LARP4B: variants seen among roughly 807,000 people sequenced by gnomAD.
The protein encoded by LARP4B is la-related protein 4B.
In LARP4B, 12 loss-of-function variants were observed where a neutral mutation model predicts 89.8. The ratio of observed to expected loss-of-function variants is 0.13; its 90% CI spans 0.09 to 0.22. The LOEUF (loss-of-function observed/expected upper bound fraction) is 0.22, where lower values mean the gene tolerates loss of function less well. Among genes scored for constraint, LARP4B ranks in the 10% least tolerant of loss-of-function variants. LARP4B has a pLI of 1.00. For missense variants in LARP4B, 757 were observed against 947.7 expected (o/e 0.80, Z 2.64); for synonymous variants, 367 against 363.3 (o/e 1.01, Z -0.12).
At position 858,540 on chromosome 10, in the gene LARP4B, A is replaced by C. The variant is rs904694036; in HGVS notation, c.430+5203T>G. Among the ~76,000 whole-genome samples the C allele has an allele frequency of 5.9e-5, 9 of 152,220 alleles. No homozygotes were observed. In the South Asian group the frequency reaches 6.2e-4, roughly 10 times the overall value. On this transcript the variant is annotated intron_variant, in intron 5 of 17. Coordinates refer to ENST00000316157, the MANE Select transcript of LARP4B (RefSeq NM_015155.3). Reference sequence around the variant, plus strand: ...ATAGGCAGCCCAACAAAAAATAAACAAACTGAACATTATGAACATTTTAAA... The same window carrying C: ...ATAGGCAGCCCAACAAAAAATAAACCAACTGAACATTATGAACATTTTAAA...
chr10:933,951 G>C (rs1444051964), upstream of LARP4B, among the ~76,000 whole-genome samples: 1 of 151,798 alleles, frequency 6.6e-6, no homozygotes, highest in African/African-American at 2.4e-5. Context: ...TCCTGCCTCA[G>C]CCTCCGGAGT....
intron 6 of LARP4B, among the ~76,000 whole-genome samples, chr10:843,776 A>C (rs1461669227): frequency 6.6e-6 from 1 of 152,232 alleles, no homozygotes; most frequent in Non-Finnish European, 1.5e-5. Context: ...TAAAAAGGCC[A>C]GGATAAGGTC....
the LARP4B span, among the ~76,000 whole-genome samples, chr10:960,975 A>G: frequency 3.3e-5 from 5 of 152,134 alleles, no homozygotes; most frequent in Admixed American, 6.5e-5. Flanking sequence ...AGCCCCAGAG[A>G]GGCAGAACAC....
rs766604845 is a variant in LARP4B at position 879,733 on chromosome 10, C to T, written c.141+4714G>A. On this transcript the variant is annotated intron_variant, in intron 3 of 17. Coordinates refer to ENST00000316157, the MANE Select transcript of LARP4B (RefSeq NM_015155.3). The stretch of plus-strand genomic sequence containing the variant: ...CCTCCCGCCTTGGCCTCCCAAAGTG[C>T]TGGGATTTATAGGTGTGAGCCACTA... Among the ~76,000 whole-genome samples the T allele has an allele frequency of 6.2e-4, 95 of 152,048 alleles. 1 individual carries two copies. The highest frequency in any genetic ancestry group is 2.6e-4 in the Non-Finnish European group (18 of 67,992).
chr10:907,664 T>C (rs542536161), intron 1 of LARP4B, among the ~76,000 whole-genome samples: 2 of 152,322 alleles, frequency 1.3e-5, no homozygotes, highest in South Asian at 2.1e-4. Flanking sequence ...TCCCATTTCA[T>C]GGCATAGAAT....
At chr10:966,421 A>G in the LARP4B span, among the ~76,000 whole-genome samples, 1 of 152,312 alleles carries the variant, frequency 6.6e-6, no homozygotes, top group Non-Finnish European at 1.5e-5. Context: ...GCACCACTGC[A>G]CTCCAGCCTC....
In LARP4B at chr10:884,511, A is replaced by G. The variant is rs1474244718; in HGVS notation, c.82-5T>C. The G allele has an allele frequency of 6.3e-7, 1 of 1,590,658 alleles. No homozygotes were observed. The highest frequency in any genetic ancestry group is 1.7e-5 in the Admixed American group (1 of 59,924). ...TTGAGATATAGGACCATTCATCTGT[A>G]AAATTGAAAACAAAGACAACATCAG... On this transcript the variant is annotated splice_region_variant and splice_polypyrimidine_tract_variant and intron_variant, in intron 2 of 17. Coordinates refer to ENST00000316157, the MANE Select transcript of LARP4B (RefSeq NM_015155.3).
At chr10:958,483 T>C in the LARP4B span, among the ~76,000 whole-genome samples, 1 of 152,234 alleles carries the variant, frequency 6.6e-6, no homozygotes, top group Non-Finnish European at 1.5e-5. Flanking sequence ...TTTCTCTTGA[T>C]GGCTGCCAAG....
the LARP4B span, among the ~76,000 whole-genome samples, chr10:966,829 C>A: frequency 9.9e-5 from 15 of 151,916 alleles, 1 homozygote; most frequent in Admixed American, 8.5e-4. Context: ...AGGCCACCCC[C>A]TCACCCCCAC....
intron 5 of LARP4B, among the ~76,000 whole-genome samples, chr10:849,580 T>C (rs983761528): frequency 3.2e-4 from 49 of 152,342 alleles, no homozygotes; most frequent in African/African-American, 1.0e-3. Context: ...ATTCGTGTCC[T>C]CATGGAGGGG....
At chr10:931,185 G>A (rs1300919477) in intron 1 of LARP4B, among the ~76,000 whole-genome samples, 2 of 146,506 alleles carry the variant, frequency 1.4e-5, no homozygotes, top group East Asian at 2.0e-4. Flanking sequence ...GTCCTCCTCA[G>A]CCCCGGCTTT....
At chr10:967,719 A>G in the LARP4B span, among the ~76,000 whole-genome samples, 1 of 152,172 alleles carries the variant, frequency 6.6e-6, no homozygotes, top group East Asian at 1.9e-4. Context: ...AATGCCGGGA[A>G]TTCCGTGGGC....
chr10:972,370 C>T, the LARP4B span: 2 of 414,526 alleles, frequency 4.8e-6, no homozygotes, highest in Non-Finnish European at 9.4e-6. Context: ...GGAAGGCCCT[C>T]ACCAGATGCT....
upstream of LARP4B, among the ~76,000 whole-genome samples, chr10:934,786 A>G (rs1830726069): frequency 6.6e-6 from 1 of 152,116 alleles, no homozygotes; most frequent in Admixed American, 6.6e-5. Flanking sequence ...AGTGGTTACA[A>G]ATTCTGTCAA....
At chr10:843,380 G>T (rs12244253) in intron 6 of LARP4B, among the ~76,000 whole-genome samples, 24,352 of 152,178 alleles carry the variant, frequency 0.16, 2,075 homozygotes, top group Non-Finnish European at 0.19. Context: ...CTAAGAAGTA[G>T]CTTAAGAGTT....
the LARP4B span, among the ~76,000 whole-genome samples, chr10:969,441 G>T: frequency 6.6e-6 from 1 of 152,056 alleles, no homozygotes; most frequent in Non-Finnish European, 1.5e-5. Context: ...TAAGAATTAG[G>T]AGAAAAGGCT....
intron 1 of LARP4B, among the ~76,000 whole-genome samples, chr10:898,933 CT>C (rs1836260457): frequency 6.6e-6 from 1 of 152,176 alleles, no homozygotes; most frequent in East Asian, 1.9e-4. Context: ...GCAATTCACT[CT>C]ATCAATCCCT....
downstream of LARP4B, chr10:808,794 T>C (rs1248602571): frequency 6.6e-6 from 1 of 151,498 alleles, no homozygotes; most frequent in Non-Finnish European, 1.5e-5. Flanking sequence ...CACTATTAAC[T>C]TTATGACCCT....
chr10:931,665 T>G lies in LARP4B; in HGVS notation c.-277A>C, dbSNP rs1489169492. On this transcript the variant is annotated 5_prime_UTR_variant, in exon 1 of 18. Coordinates refer to ENST00000316157, the MANE Select transcript of LARP4B (RefSeq NM_015155.3). Reference sequence around the variant, plus strand: ...AATGTCTCAACCCCGGGACTCCAGATCCCCAACGCTCCTTCCCGTTCGCAT... The same window carrying G: ...AATGTCTCAACCCCGGGACTCCAGAGCCCCAACGCTCCTTCCCGTTCGCAT... 1 of 151,954 alleles carries G rather than the reference T, an allele frequency of 6.6e-6. No homozygotes were observed. The highest frequency in any genetic ancestry group is 2.4e-5 in the African/African-American group (1 of 41,124). The allele number at this position is 151,954 out of a possible 1,614,324, so 9.4% of individuals were successfully genotyped here. A position where few individuals can be genotyped will look rare whatever the true frequency, so the allele number is the denominator to read the frequency against.
Sources: allele counts gnomAD v4.1 joint callset (sites outside exome capture counted in the v4.1 genomes callset), GRCh38; gene constraint gnomAD v4.1.1; transcripts MANE v1.5; gene names NCBI Gene and HGNC (gene_info 2026-07-23, HGNC 2026-07-21).